FGF13: variants seen among roughly 807,000 people sequenced by gnomAD.
FGF13 encodes the protein fibroblast growth factor homologous factor 2.
A neutral mutation model predicts 19.5 loss-of-function variants in FGF13; 2 were observed. The ratio of observed to expected loss-of-function variants is 0.10; its 90% CI spans 0.04 to 0.32. The LOEUF is 0.32. Ranked by LOEUF, FGF13 falls within the 10% of genes least tolerant of loss-of-function variation. The pLI, the probability that FGF13 is intolerant of heterozygous loss-of-function variation, is 1.00. For synonymous variants in FGF13, 72 were observed against 76.9 expected, an observed-to-expected ratio of 0.94 and a Z score of 0.33; for missense variants, 113 against 192.7, an observed-to-expected ratio of 0.59 and a Z score of 2.45.
intron 1 of FGF13, among the ~76,000 whole-genome samples, chrX:139,181,604 T>C (rs1603232739): frequency 8.9e-6 from 1 of 112,503 alleles, no homozygotes; most frequent in Non-Finnish European, 1.9e-5. Flanking sequence ...CCAGCTATAG[T>C]CTGCCACTCC....
chrX:138,761,845 T>G (rs926837847), intron 3 of FGF13, among the ~76,000 whole-genome samples: 1 of 111,167 alleles, frequency 9.0e-6, no homozygotes, highest in Non-Finnish European at 1.9e-5. Context: ...CATCCCCTCC[T>G]TTGTCTCCTT....
rs776885103 is a variant in FGF13 at position 139,169,935 on chromosome X, A to C, written c.-113+33481T>G. On this transcript the variant is annotated intron_variant, in intron 1 of 2. Coordinates refer to the FGF13 transcript ENST00000421460. Reference sequence around the variant, plus strand: ...GAATCTTTTCAGGGCAGTGGCTTTCAAACTGCATTTGCTGAACTACAAAGG... The same window carrying C: ...GAATCTTTTCAGGGCAGTGGCTTTCCAACTGCATTTGCTGAACTACAAAGG... Among the ~76,000 whole-genome samples, 34 of 111,285 alleles carry C rather than the reference A, an allele frequency of 3.1e-4. 2 individuals carry two copies. In the South Asian group the frequency reaches 0.013, roughly 43 times the overall value.
intron 3 of FGF13, among the ~76,000 whole-genome samples, chrX:138,660,671 T>C (rs1194416101): frequency 1.8e-5 from 2 of 111,227 alleles, no homozygotes; most frequent in East Asian, 5.7e-4. Flanking sequence ...GTGACAGTAG[T>C]CACCCTGTGA....
At chrX:139,180,476 A>G (rs1056084424) in intron 1 of FGF13, among the ~76,000 whole-genome samples, 1 of 112,140 alleles carries the variant, frequency 8.9e-6, no homozygotes. Flanking sequence ...AGAGTCCTCA[A>G]AAATTGAGTT....
At chrX:138,871,351 C>T (rs1465283635) in intron 1 of FGF13, among the ~76,000 whole-genome samples, 2 of 111,242 alleles carry the variant, frequency 1.8e-5, no homozygotes, top group Admixed American at 9.6e-5. Context: ...CTATTCAAAG[C>T]ATACAGTATA....
At chrX:138,779,977 C>T (rs1316907959) in intron 3 of FGF13, among the ~76,000 whole-genome samples, 2 of 102,389 alleles carry the variant, frequency 2.0e-5, no homozygotes, top group South Asian at 5.1e-4. Flanking sequence ...CGGCAGAAAC[C>T]CTACAAGCCA....
chrX:139,057,550 T>C (rs2092323775), intron 1 of FGF13, among the ~76,000 whole-genome samples: 1 of 111,986 alleles, frequency 8.9e-6, no homozygotes, highest in South Asian at 3.7e-4. Context: ...CCCAAAATAA[T>C]TGAAAACATA....
At chrX:138,921,643 C>T (rs1395886946) in intron 1 of FGF13, among the ~76,000 whole-genome samples, 2 of 111,253 alleles carry the variant, frequency 1.8e-5, no homozygotes, top group African/African-American at 3.3e-5. Context: ...GCCTAAGAAA[C>T]ATATCTTGTG....
chrX:138,640,971 G>A (rs1218363452), intron 3 of FGF13, among the ~76,000 whole-genome samples: 1 of 110,465 alleles, frequency 9.1e-6, no homozygotes, highest in African/African-American at 3.3e-5. Context: ...TTTTTTACAT[G>A]GGCTGCACTG....
At chrX:139,130,711 G>A (rs1453462807) in intron 1 of FGF13, among the ~76,000 whole-genome samples, 1 of 111,346 alleles carries the variant, frequency 9.0e-6, no homozygotes, top group Non-Finnish European at 1.9e-5. Flanking sequence ...TCCTATTTTT[G>A]TCATCTGTAA....
intron 3 of FGF13, among the ~76,000 whole-genome samples, chrX:138,749,991 G>A (rs982478908): frequency 1.1e-4 from 12 of 111,786 alleles, no homozygotes; most frequent in African/African-American, 3.3e-4. Context: ...AGAGAACTAC[G>A]GAGAGCATGT....
chrX:139,131,385 G>A (rs1262585641), intron 1 of FGF13, among the ~76,000 whole-genome samples: 1 of 2,369 alleles, frequency 4.2e-4, no homozygotes, highest in Non-Finnish European at 8.9e-4. Context: ...ATAGAGGGGT[G>A]TGTGTGTGTG....
At chrX:138,849,516 G>A (rs2091208325) in intron 3 of FGF13, among the ~76,000 whole-genome samples, 1 of 111,897 alleles carries the variant, frequency 8.9e-6, no homozygotes, top group Non-Finnish European at 1.9e-5. Context: ...TGGAGCAGAG[G>A]GAGCAGAACA....
chrX:138,900,395 A>G (rs907327973), intron 1 of FGF13, among the ~76,000 whole-genome samples: 33 of 110,765 alleles, frequency 3.0e-4, no homozygotes, highest in Non-Finnish European at 4.0e-4. Flanking sequence ...TCTCAATAAA[A>G]GGTACTATCC....
At chrX:139,116,084 T>C (rs2083637799) in intron 1 of FGF13, among the ~76,000 whole-genome samples, 1 of 112,176 alleles carries the variant, frequency 8.9e-6, no homozygotes, top group East Asian at 2.8e-4. Flanking sequence ...CCAGACTCTA[T>C]GCAGGAGACT....
At chrX:138,791,171 A>C (rs951838344) in intron 3 of FGF13, among the ~76,000 whole-genome samples, 4 of 112,498 alleles carry the variant, frequency 3.6e-5, no homozygotes, top group Non-Finnish European at 7.5e-5. Context: ...ATTTTAAGTA[A>C]TCTAAAGCTG....
chrX:138,962,945 G>C (rs949597611), intron 1 of FGF13, among the ~76,000 whole-genome samples: 3 of 111,033 alleles, frequency 2.7e-5, no homozygotes, highest in Non-Finnish European at 3.8e-5. Context: ...GTATACATAC[G>C]TAACAAACCT....
chrX:139,102,897 G>A (rs1438411307), intron 1 of FGF13, among the ~76,000 whole-genome samples: 1 of 112,639 alleles, frequency 8.9e-6, no homozygotes, highest in Non-Finnish European at 1.9e-5. Flanking sequence ...TTTCAAGGAG[G>A]AGAAACAGAG....
At chrX:138,947,787 T>G (rs1252690817) in intron 1 of FGF13, among the ~76,000 whole-genome samples, 3 of 111,972 alleles carry the variant, frequency 2.7e-5, no homozygotes, top group Non-Finnish European at 5.6e-5. Context: ...CCCCAGTACC[T>G]CGGAGGGTGA....
Sources: allele counts gnomAD v4.1 joint callset (sites outside exome capture counted in the v4.1 genomes callset), GRCh38; gene constraint gnomAD v4.1.1; transcripts MANE v1.5; gene names NCBI Gene and HGNC (gene_info 2026-07-23, HGNC 2026-07-21).